Variants in IGF2R observed in about 807,000 individuals in gnomAD.
The protein encoded by IGF2R is cation-independent mannose-6-phosphate receptor.
In IGF2R, 91 loss-of-function variants were observed where a neutral mutation model predicts 270.6. The observed-to-expected ratio is 0.34, with a 90% CI of 0.28 to 0.40. The LOEUF (loss-of-function observed/expected upper bound fraction) is 0.40. Ranked by LOEUF, IGF2R falls within the 10% of genes least tolerant of loss-of-function variation. The pLI is 1.00. For missense variants in IGF2R, 2,805 were observed against 3,188.3 expected (o/e 0.88, Z 2.90); for synonymous variants, 1,316 against 1,258.9 (o/e 1.05, Z -0.96).
rs1779157667 is a variant in IGF2R, at chr6:160,089,042, G to GT, written c.6321-61dup. The GT allele has an allele frequency of 4.5e-6, 7 of 1,547,914 alleles. No individual in the cohort carries two copies. The East Asian group carries it at 1.6e-4, about 35-fold the overall frequency. ...CTTCAAGGGCTCCGCAGTGTTCATT[G>GT]TTTTGCAGTCTTCCCTTATGTCTGG... On this transcript the variant is annotated intron_variant, in intron 42 of 47. Transcript: ENST00000356956.
At chr6:160,100,802 T>G (rs1583307783) in intron 45 of IGF2R, among the ~76,000 whole-genome samples, 3 of 123,098 alleles carry the variant, frequency 2.4e-5, no homozygotes, top group African/African-American at 9.7e-5. Context: ...TTTTTTTTTT[T>G]TTTTTGGAGA....
chr6:160,079,563 G>A lies in IGF2R; in HGVS notation c.5479-17G>A, dbSNP rs147546122. The A allele has an allele frequency of 5.1e-5, 72 of 1,410,210 alleles. No homozygotes were observed. The African/African-American group carries it at 5.9e-4, about 12-fold the overall frequency. 87.4% of individuals were successfully genotyped at this position (1,410,210 alleles called of 1,614,324 possible). On this transcript the variant is annotated splice_polypyrimidine_tract_variant and intron_variant, in intron 37 of 47. Transcript: ENST00000356956. ...GTGCTGCCACTCTGCTGACGGCCAC[G>A]CATGGTTTTTGTCCAGGTGACTCGC... is the stretch of plus-strand genomic sequence containing the variant.
chr6:160,066,549 A>G (rs1475545911), intron 29 of IGF2R, among the ~76,000 whole-genome samples: 6 of 152,184 alleles, frequency 3.9e-5, no homozygotes, highest in African/African-American at 1.4e-4. Flanking sequence ...TGTCTATTGT[A>G]ATTGAGAGTC....
intron 42 of IGF2R, 34 bp from the exon 43 acceptor site, chr6:160,089,073 G>C: frequency 6.3e-7 from 1 of 1,599,216 alleles, no homozygotes; most frequent in Non-Finnish European, 8.6e-7. Flanking sequence ...TCTGGCTGGG[G>C]AAGTGACTGT....
At chr6:160,030,571 T>C (rs977947709) in intron 7 of IGF2R, among the ~76,000 whole-genome samples, 8 of 152,178 alleles carry the variant, frequency 5.3e-5, no homozygotes, top group African/African-American at 1.9e-4. Context: ...GGGAGGAATA[T>C]TTATTCACAC....
rs1562353262 is a variant in IGF2R at position 160,040,659 on chromosome 6, ACCT to A, written c.1420_1422del (p.Leu474del). ...TACGCCTGTGTTAAGGAGAAGGAAG[ACCT>A]CCTCTGCGGTGCCACCGACGGGAAG... On this transcript the variant is annotated inframe_deletion, in exon 11 of 48. Transcript: ENST00000356956. The A allele has an allele frequency of 3.7e-6, 6 of 1,613,374 alleles. No individual in the cohort carries two copies. The highest frequency in any genetic ancestry group is 1.7e-5 in the Admixed American group (1 of 59,954).
rs1384061603 is a variant in IGF2R, at chr6:160,032,595, A to G, written c.927A>G (p.Glu309=). ...KLTAKSNCRY[E]IEWITEYACH... ...CAGCTAAATCCAACTGCCGCTATGAAATTGAGTGGATTACTGAGTATGCCT... is the reference window on the plus strand; with the variant it reads ...CAGCTAAATCCAACTGCCGCTATGAGATTGAGTGGATTACTGAGTATGCCT... Residue 309 remains glutamate (E), a synonymous_variant, in exon 8 of 48, where the codon GAA becomes GAG. Coordinates refer to ENST00000356956, the MANE Select transcript of IGF2R (RefSeq NM_000876.4). The G allele has an allele frequency of 1.9e-6, 3 of 1,614,128 alleles. No homozygotes were observed. Among genetic ancestry groups the G allele is most frequent in the Non-Finnish European group, 2.5e-6 (3 of 1,180,006 alleles).
intron 20 of IGF2R, 144 bp from the exon 21 acceptor site, chr6:160,057,879 A>G: frequency 1.7e-6 from 1 of 602,856 alleles, no homozygotes; most frequent in Admixed American, 2.8e-5. Context: ...GTAGGGCTAC[A>G]TTTTTGATAG....
At chr6:160,098,185 G>T (rs964504048) in intron 45 of IGF2R, among the ~76,000 whole-genome samples, 3 of 152,154 alleles carry the variant, frequency 2.0e-5, no homozygotes, top group Admixed American at 2.0e-4. Context: ...ACCAGGCCAG[G>T]CTAGGATCCC....
rs1051375914 is a variant in IGF2R at position 160,044,401 on chromosome 6, G to A, written c.1622-113G>A. On this transcript the variant is annotated intron_variant, in intron 12 of 47. Coordinates refer to ENST00000356956, the MANE Select transcript of IGF2R (RefSeq NM_000876.4). ...AGAAGGGCTGCACGTGCTGGGTTTG[G>A]GCTGATTTCTTTCTTTCTTTCTCTT... 12 of 1,008,868 alleles carry A rather than the reference G, an allele frequency of 1.2e-5. No homozygotes were observed. The Admixed American group carries it at 3.2e-4, about 27-fold the overall frequency. 62.5% of individuals were successfully genotyped at this position (1,008,868 alleles called of 1,614,324 possible). A position where few individuals can be genotyped will look rare whatever the true frequency, so the allele number is the denominator to read the frequency against.
Position 159,969,314 on chromosome 6 carries a change from T to G in IGF2R, c.68T>G (p.Leu23Arg), listed in dbSNP as rs1177214446. 1.6e-6 allele frequency: 2 copies of G among 1,288,994 alleles called. No homozygotes were observed. The highest frequency in any genetic ancestry group is 2.0e-6 in the Non-Finnish European group (2 of 1,014,770). The allele number at this position is 1,288,994 out of a possible 1,614,324, so 79.8% of individuals were successfully genotyped here. A position where few individuals can be genotyped will look rare whatever the true frequency, so the allele number is the denominator to read the frequency against. ...CCCGCCCGCCGCCCGCAGCGCTCTCTGCTCCTGCTGCAGCTGCTGCTGCTC... is the reference window on the plus strand; with the variant it reads ...CCCGCCCGCCGCCCGCAGCGCTCTCGGCTCCTGCTGCAGCTGCTGCTGCTC... The part of the protein sequence containing the change: ...PAPARRPQRS[L>R]LLLQLLLLVA... The change falls in exon 1 of 48, where the codon CTG (leucine) becomes CGG (arginine). Residue 23 changes from leucine (L) to arginine (R), a missense_variant. Leu to Arg is a moderately radical substitution (Grantham distance 102, BLOSUM62 -2). Coordinates refer to ENST00000356956, the MANE Select transcript of IGF2R (RefSeq NM_000876.4).
Position 160,050,834 on chromosome 6 carries a change from A to G in IGF2R, c.2694+182A>G, listed in dbSNP as rs1312318733. 1.3e-5 allele frequency among the ~76,000 whole-genome samples: 2 copies of G among 152,194 alleles called. No homozygotes were observed. The highest frequency in any genetic ancestry group is 2.4e-5 in the African/African-American group (1 of 41,454). On this transcript the variant is annotated intron_variant, in intron 19 of 47. Transcript: ENST00000356956. The surrounding 1 kb of genome is among the most constrained non-coding windows in gnomAD (Gnocchi z 4.0). Reference sequence around the variant, plus strand: ...GCAGGGAGTGATTTGTGGTACCTTCATGGCTGCGATTTCTGAAGTGTAAGC... The same window carrying G: ...GCAGGGAGTGATTTGTGGTACCTTCGTGGCTGCGATTTCTGAAGTGTAAGC...
chr6:160,092,303 C>T (rs1473309178), intron 44 of IGF2R, among the ~76,000 whole-genome samples: 2 of 152,132 alleles, frequency 1.3e-5, no homozygotes, highest in East Asian at 3.9e-4. Flanking sequence ...GAAGGCCCAC[C>T]TTCTCATAGC....
intron 10 of IGF2R, among the ~76,000 whole-genome samples, chr6:160,035,474 C>G (rs566504950): frequency 8.2e-4 from 125 of 152,278 alleles, no homozygotes; most frequent in Admixed American, 1.6e-3. Flanking sequence ...GCACCGCACC[C>G]CTGCGAACGT....
chr6:160,082,422 G>C (rs1032159267), intron 39 of IGF2R, among the ~76,000 whole-genome samples: 1 of 151,678 alleles, frequency 6.6e-6, no homozygotes, highest in South Asian at 2.1e-4. Context: ...TGATACTCCT[G>C]CCTCAGCCTC....
At position 160,062,571 on chromosome 6, in the gene IGF2R, G is replaced by A. The variant is rs758491772; in HGVS notation, c.3622G>A (p.Val1208Met). Reference protein sequence around the residue: ...AFQLQDGCEYVFIWRTVEACP... With the variant: ...AFQLQDGCEYMFIWRTVEACP... Reference sequence around the variant, plus strand: ...TCAGCTTCAGGATGGTTGTGAGTACGTGTTTATCTGGAGAACTGTGGAAGC... The same window carrying A: ...TCAGCTTCAGGATGGTTGTGAGTACATGTTTATCTGGAGAACTGTGGAAGC... The change falls in exon 26 of 48, where the codon GTG (valine) becomes ATG (methionine). Residue 1208 changes from valine (V) to methionine (M), a missense_variant. Around this residue, in one of 2 missense-constraint regions of IGF2R, gnomAD observed 1,851 missense variants for 2,207.2 expected, o/e 0.84. Coordinates refer to ENST00000356956, the MANE Select transcript of IGF2R (RefSeq NM_000876.4). 6.2e-6 allele frequency: 10 copies of A among 1,613,818 alleles called. No individual in the cohort carries two copies. Among genetic ancestry groups the A allele is most frequent in the African/African-American group, 2.7e-5 (2 of 74,896 alleles).
chr6:160,061,970 C>G (rs1357904192), intron 25 of IGF2R, 42 bp downstream of exon 25: 1 of 1,570,616 alleles, frequency 6.4e-7, no homozygotes. Flanking sequence ...CCCCGGGTGA[C>G]TCCATTTCCC....
At chr6:159,974,413 C>T (rs1165348323) in intron 1 of IGF2R, among the ~76,000 whole-genome samples, 1 of 152,108 alleles carries the variant, frequency 6.6e-6, no homozygotes, top group East Asian at 1.9e-4. Flanking sequence ...TTTAGGAGCT[C>T]CTCATGTCTT....
rs779226074 is a variant in IGF2R, at chr6:160,061,739, T to C, written c.3407-14T>C. On this transcript the variant is annotated splice_polypyrimidine_tract_variant and intron_variant, in intron 24 of 47. Coordinates refer to ENST00000356956, the MANE Select transcript of IGF2R (RefSeq NM_000876.4). Reference sequence around the variant, plus strand: ...GCCTTCCTCATGCCCAAACCACTTATTCTGTTCTTCCAGGCAGCGCAGTGG... The same window carrying C: ...GCCTTCCTCATGCCCAAACCACTTACTCTGTTCTTCCAGGCAGCGCAGTGG... 14 of 1,613,992 alleles carry C rather than the reference T, an allele frequency of 8.7e-6. No homozygotes were observed. The highest frequency in any genetic ancestry group is 1.7e-5 in the Admixed American group (1 of 60,002).
Sources: allele counts gnomAD v4.1 joint callset (sites outside exome capture counted in the v4.1 genomes callset), GRCh38; gene constraint gnomAD v4.1.1; regional missense constraint gnomAD v4.1.1; non-coding constraint Gnocchi (gnomAD v3.1); transcripts MANE v1.5; gene names NCBI Gene and HGNC (gene_info 2026-07-23, HGNC 2026-07-21).